Variants in HPSE2 observed in about 807,000 individuals in gnomAD.
HPSE2 encodes inactive heparanase-2.
In HPSE2, 38 loss-of-function variants were observed where a neutral mutation model predicts 60.5. That is an observed-to-expected ratio of 0.63 (90% CI 0.48 to 0.82). The LOEUF is 0.82. Among genes scored for constraint, HPSE2 ranks in the 40% least tolerant of loss-of-function variants. The pLI, the probability that HPSE2 is intolerant of heterozygous loss-of-function variation, is 0.00. For missense variants in HPSE2, 713 were observed against 740.4 expected, an observed-to-expected ratio of 0.96 and a Z score of 0.43; for synonymous variants, 295 against 293.2, an observed-to-expected ratio of 1.01 and a Z score of -0.06.
chr10:98,827,904 C>T (rs1951590256), intron 3 of HPSE2, among the ~76,000 whole-genome samples: 3 of 152,184 alleles, frequency 2.0e-5, no homozygotes, highest in Admixed American at 1.3e-4. Context: ...ATAAGATTAA[C>T]ATTTAAATCA....
intron 3 of HPSE2, among the ~76,000 whole-genome samples, chr10:98,793,461 C>T (rs781262298): frequency 1.3e-5 from 2 of 152,180 alleles, no homozygotes; most frequent in South Asian, 2.1e-4. Context: ...ATCCATTCAA[C>T]GAATATTACT....
At chr10:98,841,693 A>C (rs1340453724) in intron 3 of HPSE2, among the ~76,000 whole-genome samples, 1 of 152,172 alleles carries the variant, frequency 6.6e-6, no homozygotes, top group Non-Finnish European at 1.5e-5. Context: ...CCTTTTCAAT[A>C]ATTTTACTGT....
At chr10:98,727,333 T>A (rs11189785) in intron 4 of HPSE2, among the ~76,000 whole-genome samples, 26,649 of 152,072 alleles carry the variant, frequency 0.18, 2,538 homozygotes, top group Admixed American at 0.24. Context: ...GACTTGGCAG[T>A]CAAAGACTTA....
intron 11 of HPSE2, among the ~76,000 whole-genome samples, chr10:98,460,649 A>T (rs773421040): frequency 5.3e-5 from 8 of 152,188 alleles, no homozygotes; most frequent in Non-Finnish European, 8.8e-5. Flanking sequence ...TTTAATATTA[A>T]CAGATGTTTC....
intron 4 of HPSE2, among the ~76,000 whole-genome samples, chr10:98,741,088 A>G (rs1949485011): frequency 6.6e-6 from 1 of 152,192 alleles, no homozygotes; most frequent in Non-Finnish European, 1.5e-5. Context: ...ATCATTAATA[A>G]TCATTTATTA....
chr10:98,688,539 T>C (rs968638354), intron 6 of HPSE2, among the ~76,000 whole-genome samples: 33 of 145,068 alleles, frequency 2.3e-4, no homozygotes, highest in African/African-American at 8.1e-4. Context: ...GCAATGATAC[T>C]ATCTCGGCTA....
intron 3 of HPSE2, among the ~76,000 whole-genome samples, chr10:99,069,657 G>A (rs1842724859): frequency 6.6e-6 from 1 of 150,990 alleles, no homozygotes; most frequent in South Asian, 2.1e-4. Context: ...ACAGTTGTGA[G>A]TGATGTTACG....
the HPSE2 span, among the ~76,000 whole-genome samples, chr10:99,311,775 T>G: frequency 6.6e-6 from 1 of 152,116 alleles, no homozygotes; most frequent in Non-Finnish European, 1.5e-5. Flanking sequence ...TTAAGCTTAG[T>G]GAGGAAGGTA....
intron 3 of HPSE2, among the ~76,000 whole-genome samples, chr10:98,812,809 C>A (rs1951198639): frequency 1.3e-5 from 2 of 152,114 alleles, no homozygotes; most frequent in Non-Finnish European, 2.9e-5. Flanking sequence ...CAAACTTTGT[C>A]TCTTCTTTTT....
intron 3 of HPSE2, among the ~76,000 whole-genome samples, chr10:98,823,438 G>T (rs565840119): frequency 6.6e-6 from 1 of 152,222 alleles, no homozygotes; most frequent in South Asian, 2.1e-4. Context: ...GGGCAATATA[G>T]CGAGATCCAA....
At chr10:98,799,289 G>A (rs1331802171) in intron 3 of HPSE2, among the ~76,000 whole-genome samples, 1 of 152,102 alleles carries the variant, frequency 6.6e-6, no homozygotes, top group African/African-American at 2.4e-5. Flanking sequence ...GATATGTAAA[G>A]CAAATATTAT....
chr10:98,840,929 T>A (rs1951896753), intron 3 of HPSE2, among the ~76,000 whole-genome samples: 1 of 152,164 alleles, frequency 6.6e-6, no homozygotes, highest in African/African-American at 2.4e-5. Context: ...ATACTGTAAT[T>A]ATTGTTTGGT....
At chr10:98,664,745 CTTG>C (rs1174626117) in intron 6 of HPSE2, among the ~76,000 whole-genome samples, 1 of 152,122 alleles carries the variant, frequency 6.6e-6, no homozygotes, top group African/African-American at 2.4e-5. Context: ...AAATAAAGAT[CTTG>C]TTAAGAGCCT....
intron 4 of HPSE2, among the ~76,000 whole-genome samples, chr10:98,725,828 T>C (rs1407909634): frequency 1.3e-5 from 2 of 152,070 alleles, no homozygotes; most frequent in Admixed American, 6.6e-5. Flanking sequence ...GGGCAAAGGA[T>C]ATGAACAGAT....
intron 2 of HPSE2, among the ~76,000 whole-genome samples, chr10:99,185,465 T>TAC (rs1211798712): frequency 1.3e-5 from 2 of 151,964 alleles, no homozygotes; most frequent in Non-Finnish European, 2.9e-5. Flanking sequence ...AAAAGGCACA[T>TAC]ACAGGTACTG....
intron 9 of HPSE2, among the ~76,000 whole-genome samples, chr10:98,565,277 T>G (rs146696018): frequency 0.016 from 2,478 of 152,162 alleles, 28 homozygotes; most frequent in Non-Finnish European, 0.025. Flanking sequence ...CATCTAGGTT[T>G]TAAGCCCCAC....
Position 98,936,507 on chromosome 10 carries a change from T to C in HPSE2, c.611-192451A>G, listed in dbSNP as rs946393024. Among the ~76,000 whole-genome samples, 7 of 142,920 alleles carry C rather than the reference T, an allele frequency of 4.9e-5. 1 individual carries two copies. Among genetic ancestry groups the C allele is most frequent in the African/African-American group, 2.0e-4 (7 of 34,872 alleles). 93.8% of individuals were successfully genotyped at this position (142,920 alleles called of 152,430 possible). A position where few individuals can be genotyped will look rare whatever the true frequency, so the allele number is the denominator to read the frequency against. On this transcript the variant is annotated intron_variant, in intron 3 of 11. Coordinates refer to ENST00000370552, the MANE Select transcript of HPSE2 (RefSeq NM_021828.5). The stretch of plus-strand genomic sequence containing the variant: ...ATAGTACCCCCAGTGGGTAGCACAG[T>C]CCCTCACTGCTACCTTGACTGGAGA...
intron 3 of HPSE2, among the ~76,000 whole-genome samples, chr10:99,080,280 G>A (rs1843091426): frequency 6.6e-6 from 1 of 151,886 alleles, no homozygotes; most frequent in Non-Finnish European, 1.5e-5. Flanking sequence ...AATGAGCCTA[G>A]TTTGAATTAT....
chr10:98,730,902 C>T (rs1949211048), intron 4 of HPSE2, among the ~76,000 whole-genome samples: 1 of 152,130 alleles, frequency 6.6e-6, no homozygotes, highest in Non-Finnish European at 1.5e-5. Context: ...AACACCAATG[C>T]TTTACAAACT....
Sources: allele counts gnomAD v4.1 joint callset (sites outside exome capture counted in the v4.1 genomes callset), GRCh38; gene constraint gnomAD v4.1.1; transcripts MANE v1.5; gene names NCBI Gene and HGNC (gene_info 2026-07-23, HGNC 2026-07-21).